The following RNF145 variants were observed in gnomAD, a reference collection of about 807,000 sequenced individuals.
RNF145 encodes the protein ring finger protein 145.
In RNF145, 12 loss-of-function variants were observed where a neutral mutation model predicts 57.3. The ratio of observed to expected loss-of-function variants is 0.21; its 90% CI spans 0.13 to 0.34. RNF145 has a LOEUF of 0.34. Among genes scored for constraint, RNF145 ranks in the 10% least tolerant of loss-of-function variants. RNF145 has a pLI of 1.00. For missense variants in RNF145, 429 were observed against 799.0 expected (o/e 0.54, Z 5.58); for synonymous variants, 262 against 288.3 (o/e 0.91, Z 0.92).
chr5:159,203,340 A>C, intron 2 of RNF145, 94 bp downstream of exon 2: 1 of 840,506 alleles, frequency 1.2e-6, no homozygotes, highest in Non-Finnish European at 2.0e-6. Context: ...CATCTTAATG[A>C]AAATGAACTT....
At chr5:159,182,112 T>C in intron 3 of RNF145, 61 bp from the exon 4 acceptor site, 1 of 1,028,540 alleles carries the variant, frequency 9.7e-7, no homozygotes, top group Non-Finnish European at 1.5e-6. Context: ...AATCACAATA[T>C]GCTTATAAAA....
chr5:159,209,570 C>T (rs1786038752), upstream of RNF145: 1 of 1,008,168 alleles, frequency 9.9e-7, no homozygotes, highest in African/African-American at 1.7e-5. Flanking sequence ...CGCGGCCCGA[C>T]TTCCGCACTC....
chr5:159,191,401 T>TC (rs1785285220), intron 3 of RNF145, among the ~76,000 whole-genome samples: 1 of 152,188 alleles, frequency 6.6e-6, no homozygotes, highest in South Asian at 2.1e-4. Flanking sequence ...TTCCTTTTTT[T>TC]CATCTGTAAA....
At chr5:159,164,462 C>A (rs1213401790) in intron 8 of RNF145, among the ~76,000 whole-genome samples, 1 of 152,110 alleles carries the variant, frequency 6.6e-6, no homozygotes, top group Non-Finnish European at 1.5e-5. Context: ...TTTATAAACA[C>A]ACATGCATAG....
rs575590777 is a variant in RNF145 at position 159,184,777 on chromosome 5, C to G, written c.294-2726G>C. 3.3e-5 allele frequency among the ~76,000 whole-genome samples: 5 copies of G among 152,010 alleles called. No homozygotes were observed. In the East Asian group the frequency reaches 9.7e-4, roughly 29 times the overall value. On this transcript the variant is annotated intron_variant, in intron 3 of 10. Transcript: ENST00000424310. ...ACTATTTCCTTTTCTTTTATCCAAC[C>G]CTATATTTCATTCCTTTTTTAAGCC...
chr5:159,164,201 T>C (rs1201869504), intron 8 of RNF145, among the ~76,000 whole-genome samples: 1 of 152,126 alleles, frequency 6.6e-6, no homozygotes, highest in Non-Finnish European at 1.5e-5. Context: ...CTGCATACTT[T>C]GGAAAGTGTT....
At chr5:159,181,628 AG>A (rs748801744) in intron 4 of RNF145, among the ~76,000 whole-genome samples, 38 of 152,172 alleles carry the variant, frequency 2.5e-4, no homozygotes, top group Non-Finnish European at 4.4e-4. Flanking sequence ...AACAGCAATA[AG>A]TAAATTTAAG....
chr5:159,179,014 T>C (rs889920062), intron 4 of RNF145, among the ~76,000 whole-genome samples: 1 of 152,034 alleles, frequency 6.6e-6, no homozygotes, highest in African/African-American at 2.4e-5. Context: ...CCTAATTATA[T>C]AGAAAACAAG....
intron 4 of RNF145, 114 bp downstream of exon 4, chr5:159,181,846 C>A: frequency 1.6e-6 from 1 of 637,702 alleles, no homozygotes; most frequent in Non-Finnish European, 2.8e-6. Flanking sequence ...GGAAAAGTCC[C>A]CATGAATCAC....
intron 4 of RNF145, among the ~76,000 whole-genome samples, chr5:159,179,750 CA>C (rs1473729153): frequency 1.3e-5 from 2 of 151,968 alleles, no homozygotes; most frequent in African/African-American, 4.8e-5. Flanking sequence ...AGTCATAAAG[CA>C]ACATTATTTT....
At chr5:159,163,211 G>T in intron 8 of RNF145, 132 bp from the exon 9 acceptor site, 1 of 805,810 alleles carries the variant, frequency 1.2e-6, no homozygotes, top group Non-Finnish European at 2.0e-6. Context: ...CTCCATGCCA[G>T]TCACTGTACT....
At chr5:159,173,837 G>C in intron 6 of RNF145, 146 bp downstream of exon 6, 1 of 551,062 alleles carries the variant, frequency 1.8e-6, no homozygotes. Flanking sequence ...CCAAACCTAG[G>C]TATCCAGTGA....
At chr5:159,209,720 G>T, upstream of RNF145, 2 of 1,100,214 alleles carry the variant, frequency 1.8e-6, no homozygotes, top group Non-Finnish European at 2.6e-6. Context: ...AGCCCATACA[G>T]CCCGGCTCGG....
Position 159,207,403 on chromosome 5 carries a change from C to T in RNF145, c.-40+1828G>A. 5.2e-6 allele frequency: 5 copies of T among 952,958 alleles called. No homozygotes were observed. In the South Asian group the frequency reaches 6.5e-5, roughly 12 times the overall value. 59.0% of individuals were successfully genotyped at this position (952,958 alleles called of 1,614,324 possible). A position where few individuals can be genotyped will look rare whatever the true frequency, so the allele number is the denominator to read the frequency against. ...GAAAAAACAAGAATGACACGTGACC[C>T]AACTTAAAACTATTCAGTACAATAC... is the stretch of plus-strand genomic sequence containing the variant. On this transcript the variant is annotated intron_variant, in intron 1 of 10. Coordinates refer to ENST00000424310, the MANE Select transcript of RNF145 (RefSeq NM_001199383.2).
intron 2 of RNF145, among the ~76,000 whole-genome samples, chr5:159,197,121 A>C (rs1462895087): frequency 6.6e-6 from 1 of 152,258 alleles, no homozygotes; most frequent in Non-Finnish European, 1.5e-5. Context: ...TGATGCTATA[A>C]TAAATGAACA....
chr5:159,191,180 G>A (rs1584698337), intron 3 of RNF145, among the ~76,000 whole-genome samples: 2 of 152,122 alleles, frequency 1.3e-5, no homozygotes, highest in South Asian at 2.1e-4. Context: ...ACGCAGCCCA[G>A]GAGTTGGACA....
Position 159,158,098 on chromosome 5 carries a change from C to G in RNF145, c.*572G>C, listed in dbSNP as rs769504002. The G allele has an allele frequency of 6.9e-6, 1 of 144,560 alleles. No homozygotes were observed. Among genetic ancestry groups the G allele is most frequent in the Non-Finnish European group, 1.5e-5 (1 of 65,820 alleles). 9.0% of individuals were successfully genotyped at this position (144,560 alleles called of 1,614,324 possible). On this transcript the variant is annotated 3_prime_UTR_variant, in exon 11 of 11. Transcript: ENST00000424310. ...ATACAAAGTATGAGCGTGCTTCAAT[C>G]TTTGAATACAATCAATGCTTCTTCA...
intron 2 of RNF145, among the ~76,000 whole-genome samples, chr5:159,202,303 A>T (rs1220113383): frequency 1.3e-5 from 2 of 152,222 alleles, no homozygotes; most frequent in African/African-American, 4.8e-5. Flanking sequence ...TTGTTCTACA[A>T]CTGACGGGAA....
chr5:159,200,438 T>G (rs953245353), intron 2 of RNF145, among the ~76,000 whole-genome samples: 5 of 152,062 alleles, frequency 3.3e-5, no homozygotes, highest in African/African-American at 2.4e-5. Flanking sequence ...CAGTATATAA[T>G]GAGAAAAAAA....
Sources: allele counts gnomAD v4.1 joint callset (sites outside exome capture counted in the v4.1 genomes callset), GRCh38; gene constraint gnomAD v4.1.1; transcripts MANE v1.5; gene names NCBI Gene and HGNC (gene_info 2026-07-23, HGNC 2026-07-21).